The following GPAM variants were observed in gnomAD, a reference collection of about 807,000 sequenced individuals.
GPAM encodes the protein glycerol-3-phosphate acyltransferase, mitochondrial.
A neutral mutation model predicts 105.0 loss-of-function variants in GPAM; 56 were observed. That is an observed-to-expected ratio of 0.53 (90% CI 0.43 to 0.67). GPAM has a LOEUF of 0.67. Among genes scored for constraint, GPAM ranks in the 30% least tolerant of loss-of-function variants. The pLI is 0.00. For synonymous variants in GPAM, 368 were observed against 354.4 expected, an observed-to-expected ratio of 1.04 and a Z score of -0.43; for missense variants, 855 against 989.8, an observed-to-expected ratio of 0.86 and a Z score of 1.83.
chr10:112,209,904 G>T (rs1013057016), intron 1 of GPAM, among the ~76,000 whole-genome samples: 15 of 152,280 alleles, frequency 9.9e-5, no homozygotes, highest in Non-Finnish European at 4.4e-5. Context: ...TACACTTCCC[G>T]CCAGCCCCAC....
At chr10:112,170,947 A>T (rs528972522) in intron 9 of GPAM, among the ~76,000 whole-genome samples, 2 of 152,312 alleles carry the variant, frequency 1.3e-5, no homozygotes, top group African/African-American at 4.8e-5. Context: ...GAACCAAGGG[A>T]TTAAGAAGGA....
chr10:112,159,826 A>C (rs940362686), intron 17 of GPAM, 85 bp downstream of exon 17: 1 of 1,312,534 alleles, frequency 7.6e-7, no homozygotes, highest in Admixed American at 1.7e-5. Flanking sequence ...GTCAAACATT[A>C]TCTAACAGAA....
chr10:112,151,688 C>T lies in GPAM; in HGVS notation c.*1862G>A. 1 of 985,204 alleles carries T rather than the reference C, an allele frequency of 1.0e-6. No homozygotes were observed. Among genetic ancestry groups the T allele is most frequent in the Non-Finnish European group, 1.2e-6 (1 of 829,808 alleles). The allele number at this position is 985,204 out of a possible 1,614,324, so 61.0% of individuals were successfully genotyped here. ...GCAGAGTGTCGACTGGGAAGCGAGT[C>T]CCAATCTTGAATAATGGTGAGCTTG... On this transcript the variant is annotated 3_prime_UTR_variant, in exon 22 of 22. Transcript: ENST00000348367.
the GPAM span, among the ~76,000 whole-genome samples, chr10:112,227,091 C>T: frequency 6.6e-6 from 1 of 152,200 alleles, no homozygotes; most frequent in African/African-American, 2.4e-5. Context: ...AGGCATGCCA[C>T]TCTCGTTCTC....
At chr10:112,184,890 G>A (rs1847573712), upstream of GPAM, among the ~76,000 whole-genome samples, 1 of 152,202 alleles carries the variant, frequency 6.6e-6, no homozygotes, top group Non-Finnish European at 1.5e-5. Flanking sequence ...ATTAGAGCAT[G>A]TGTGTGAGGA....
chr10:112,217,177 C>T (rs957150211), upstream of GPAM, among the ~76,000 whole-genome samples: 4 of 152,166 alleles, frequency 2.6e-5, no homozygotes, highest in Admixed American at 6.5e-5. Flanking sequence ...AACACCTCAT[C>T]CAGCTCTAGG....
upstream of GPAM, among the ~76,000 whole-genome samples, chr10:112,218,596 G>A (rs1043890916): frequency 2.6e-5 from 4 of 152,180 alleles, no homozygotes; most frequent in Admixed American, 2.6e-4. Context: ...GTGAAAGCAA[G>A]TTTCTAAGAG....
upstream of GPAM, among the ~76,000 whole-genome samples, chr10:112,185,058 C>A (rs1449553140): frequency 6.6e-6 from 1 of 152,096 alleles, no homozygotes; most frequent in African/African-American, 2.4e-5. Context: ...CCTGGCACCC[C>A]GACTGGAAAA....
intron 14 of GPAM, 145 bp from the exon 15 acceptor site, chr10:112,161,882 G>A (rs1847130978): frequency 1.4e-6 from 1 of 714,542 alleles, no homozygotes. Flanking sequence ...TTACCAAAAG[G>A]AAGTTATAAT....
the GPAM span, among the ~76,000 whole-genome samples, chr10:112,226,109 A>G: frequency 2.6e-5 from 4 of 152,292 alleles, no homozygotes; most frequent in East Asian, 7.7e-4. Context: ...CAGACCAAGC[A>G]AACCCCTTGC....
At chr10:112,220,183 C>A (rs567396670), upstream of GPAM, among the ~76,000 whole-genome samples, 7 of 152,078 alleles carry the variant, frequency 4.6e-5, no homozygotes, top group Non-Finnish European at 1.5e-5. Flanking sequence ...ATTTTCCACA[C>A]CCCTATGATT....
intron 1 of GPAM, among the ~76,000 whole-genome samples, chr10:112,191,481 G>C (rs72836650): frequency 0.072 from 10,976 of 152,300 alleles, 540 homozygotes; most frequent in Middle Eastern, 0.13. Context: ...GAGCAGTGTA[G>C]TTAAGAAATT....
chr10:112,152,824 G>T lies in GPAM; in HGVS notation c.*726C>A. 2.5e-6 allele frequency: 1 copy of T among 407,730 alleles called. No homozygotes were observed. The highest frequency in any genetic ancestry group is 3.3e-6 in the Non-Finnish European group (1 of 302,174). 25.3% of individuals were successfully genotyped at this position (407,730 alleles called of 1,614,324 possible). ...AAAAGCCTTCAACACCAGTTTTCTGGCCAAGTTTCCCTAGAATTTTGCCAG... is the reference window on the plus strand; with the variant it reads ...AAAAGCCTTCAACACCAGTTTTCTGTCCAAGTTTCCCTAGAATTTTGCCAG... On this transcript the variant is annotated 3_prime_UTR_variant, in exon 22 of 22. Coordinates refer to ENST00000348367, the MANE Select transcript of GPAM (RefSeq NM_001244949.2).
Position 112,160,106 on chromosome 10 carries a change from A to G in GPAM, c.1760-53T>C, listed in dbSNP as rs1347266566. ...TGCCAGCTCAAAGTCTCCAAGAAAA[A>G]CTTCAACTGGCTTGAATAACCTTAA... is the stretch of plus-strand genomic sequence containing the variant. On this transcript the variant is annotated intron_variant, in intron 16 of 21. Coordinates refer to ENST00000348367, the MANE Select transcript of GPAM (RefSeq NM_001244949.2). 16 of 1,561,118 alleles carry G rather than the reference A, an allele frequency of 1.0e-5. No homozygotes were observed. The East Asian group carries it at 1.3e-4, about 13-fold the overall frequency.
In GPAM at chr10:112,152,286, A is replaced by T; in HGVS notation, c.*1264T>A. On this transcript the variant is annotated 3_prime_UTR_variant, in exon 22 of 22. Transcript: ENST00000348367. ...AAAAATCACCATAATTACCATAATA[A>T]ACCAATAATTATGCTCCCTGCTCAC... 1 of 983,104 alleles carries T rather than the reference A, an allele frequency of 1.0e-6. No individual in the cohort carries two copies. The highest frequency in any genetic ancestry group is 1.2e-6 in the Non-Finnish European group (1 of 827,778). The allele number at this position is 983,104 out of a possible 1,614,324, so 60.9% of individuals were successfully genotyped here.
the GPAM span, among the ~76,000 whole-genome samples, chr10:112,227,535 C>A: frequency 6.6e-6 from 1 of 152,212 alleles, no homozygotes; most frequent in Non-Finnish European, 1.5e-5. Flanking sequence ...TTCCACAGGG[C>A]TGAAGCCAAG....
chr10:112,151,624 T>A lies in GPAM; in HGVS notation c.*1926A>T, dbSNP rs986883804. ...AGAAGCCGTATTTTCTTTGCTTAGG[T>A]TGGCAAAGCAGCAGCTCTTTGCAGC... On this transcript the variant is annotated 3_prime_UTR_variant, in exon 22 of 22. Coordinates refer to ENST00000348367, the MANE Select transcript of GPAM (RefSeq NM_001244949.2). 2.0e-6 allele frequency: 2 copies of A among 985,412 alleles called. No homozygotes were observed. The highest frequency in any genetic ancestry group is 2.4e-6 in the Non-Finnish European group (2 of 829,934). 61.0% of individuals were successfully genotyped at this position (985,412 alleles called of 1,614,324 possible). A position where few individuals can be genotyped will look rare whatever the true frequency, so the allele number is the denominator to read the frequency against.
At chr10:112,170,839 C>T (rs1295305911) in intron 9 of GPAM, among the ~76,000 whole-genome samples, 1 of 152,194 alleles carries the variant, frequency 6.6e-6, no homozygotes, top group African/African-American at 2.4e-5. Flanking sequence ...TAAAGCACAG[C>T]TGGATAAATA....
intron 1 of GPAM, among the ~76,000 whole-genome samples, chr10:112,204,228 G>A (rs1029278272): frequency 6.6e-6 from 1 of 150,958 alleles, no homozygotes; most frequent in Non-Finnish European, 1.5e-5. Context: ...GCAAATCTCT[G>A]GTTATTACAG....
Sources: allele counts gnomAD v4.1 joint callset (sites outside exome capture counted in the v4.1 genomes callset), GRCh38; gene constraint gnomAD v4.1.1; transcripts MANE v1.5; gene names NCBI Gene and HGNC (gene_info 2026-07-23, HGNC 2026-07-21).